Variants in SLC4A4 observed in about 807,000 individuals in gnomAD.
SLC4A4 encodes the protein electrogenic sodium bicarbonate cotransporter 1.
Under a neutral mutation model 111.5 loss-of-function variants are expected in SLC4A4, and 27 were observed. The observed-to-expected ratio is 0.24, with a 90% CI of 0.18 to 0.33. The LOEUF (loss-of-function observed/expected upper bound fraction) is 0.33, where lower values mean the gene tolerates loss of function less well. Among genes scored for constraint, SLC4A4 ranks in the 10% least tolerant of loss-of-function variants. The probability of loss-of-function intolerance (pLI) is 1.00; values close to 1 mark genes in which losing one functional copy is unlikely to be tolerated. For synonymous variants in SLC4A4, 443 were observed against 463.4 expected, an observed-to-expected ratio of 0.96 and a Z score of 0.57; for missense variants, 909 against 1,315.5, an observed-to-expected ratio of 0.69 and a Z score of 4.78.
At chr4:71,189,152 C>A (rs1406813296) in intron 1 of SLC4A4, among the ~76,000 whole-genome samples, 1 of 152,078 alleles carries the variant, frequency 6.6e-6, no homozygotes, top group East Asian at 1.9e-4. Flanking sequence ...GTTAAAAAAA[C>A]TGAAAACTAA....
chr4:71,361,909 A>G (rs1363511914), intron 6 of SLC4A4, among the ~76,000 whole-genome samples: 1 of 152,230 alleles, frequency 6.6e-6, no homozygotes, highest in Non-Finnish European at 1.5e-5. Context: ...TATGACAAGC[A>G]TAACAACTGC....
chr4:71,107,001 AT>A (rs1032248925), intron 2 of SLC4A4, among the ~76,000 whole-genome samples: 2 of 151,706 alleles, frequency 1.3e-5, no homozygotes, highest in African/African-American at 4.8e-5. Flanking sequence ...TAAAAAAAAA[AT>A]AAAGTCTATC....
At chr4:71,364,594 A>G (rs1462912342) in intron 6 of SLC4A4, among the ~76,000 whole-genome samples, 1 of 152,202 alleles carries the variant, frequency 6.6e-6, no homozygotes, top group Non-Finnish European at 1.5e-5. Flanking sequence ...AGGGGCAAAC[A>G]TTCCTTCAAG....
At chr4:71,554,201 G>C (rs1038224072) in intron 20 of SLC4A4, among the ~76,000 whole-genome samples, 15 of 151,802 alleles carry the variant, frequency 9.9e-5, no homozygotes, top group African/African-American at 3.6e-4. Context: ...ATGTTTTCTG[G>C]TTACAATAGC....
chr4:71,091,366 C>T (rs1742383547), intron 1 of SLC4A4, among the ~76,000 whole-genome samples: 1 of 151,834 alleles, frequency 6.6e-6, no homozygotes, highest in East Asian at 1.9e-4. Context: ...CATTCTCCTG[C>T]CTCAACCTCC....
rs376054963 is a variant in SLC4A4 at position 71,166,891 on chromosome 4, A to C, written c.-1-69685A>C. Among the ~76,000 whole-genome samples the C allele has an allele frequency of 4.0e-4, 61 of 152,314 alleles. 2 individuals carry two copies. In the East Asian group the frequency reaches 0.011, roughly 28 times the overall value. ...TCTAGAATGTAGGGTTGAACTGTAC[A>C]GGCAGATAGGATTATAGTTCAGATG... On this transcript the variant is annotated intron_variant, in intron 2 of 26. Coordinates refer to the SLC4A4 transcript ENST00000649996.
intron 4 of SLC4A4, among the ~76,000 whole-genome samples, chr4:71,343,722 A>G (rs1729075137): frequency 6.6e-6 from 1 of 152,260 alleles, no homozygotes. Flanking sequence ...AGATTGCTGC[A>G]GATGGCTCCT....
At chr4:71,112,431 T>C (rs1743113268) in intron 2 of SLC4A4, among the ~76,000 whole-genome samples, 1 of 152,358 alleles carries the variant, frequency 6.6e-6, no homozygotes, top group African/African-American at 2.4e-5. Context: ...AGAGTAATTT[T>C]ACACAATGCT....
chr4:71,147,780 G>T (rs1361729511), intron 2 of SLC4A4, among the ~76,000 whole-genome samples: 1 of 152,090 alleles, frequency 6.6e-6, no homozygotes, highest in African/African-American at 2.4e-5. Context: ...CATCTGCATT[G>T]TTGCCAGAAA....
intron 3 of SLC4A4, among the ~76,000 whole-genome samples, chr4:71,260,436 A>G (rs903806461): frequency 1.3e-5 from 2 of 152,174 alleles, no homozygotes; most frequent in African/African-American, 2.4e-5. Flanking sequence ...ATCGATCTAT[A>G]TATAGGAGAA....
intron 16 of SLC4A4, among the ~76,000 whole-genome samples, chr4:71,511,186 A>G (rs188660230): frequency 1.6e-4 from 25 of 152,242 alleles, no homozygotes; most frequent in South Asian, 4.1e-4. Flanking sequence ...GAACTTAACT[A>G]TACACTTACT....
chr4:71,547,555 T>A, intron 19 of SLC4A4, 93 bp from the exon 20 acceptor site: 2 of 1,000,312 alleles, frequency 2.0e-6, no homozygotes, highest in Non-Finnish European at 3.2e-6. Context: ...CAAACATTGA[T>A]TTTGTCAATG....
intron 14 of SLC4A4, among the ~76,000 whole-genome samples, chr4:71,478,066 A>G (rs1028641532): frequency 1.3e-5 from 2 of 152,006 alleles, no homozygotes; most frequent in Non-Finnish European, 2.9e-5. Context: ...ACAATGAGAT[A>G]CCATTTCAGG....
At chr4:71,268,079 T>TTTTG (rs2149076784) in intron 3 of SLC4A4, among the ~76,000 whole-genome samples, 1 of 145,952 alleles carries the variant, frequency 6.9e-6, no homozygotes, top group South Asian at 2.2e-4. Flanking sequence ...AGTAGTGTTT[T>TTTTG]TTTTTTTTTT....
chr4:71,263,534 T>A (rs1291843654), intron 3 of SLC4A4, among the ~76,000 whole-genome samples: 3 of 152,290 alleles, frequency 2.0e-5, no homozygotes, highest in Admixed American at 2.0e-4. Context: ...GTTAAAATAA[T>A]CTGGTCTATC....
intron 12 of SLC4A4, among the ~76,000 whole-genome samples, chr4:71,460,749 G>A (rs540462361): frequency 6.6e-6 from 1 of 152,264 alleles, no homozygotes; most frequent in Admixed American, 6.5e-5. Context: ...AGGAGAAGGG[G>A]AGGTACATCT....
intron 16 of SLC4A4, among the ~76,000 whole-genome samples, chr4:71,513,565 G>A (rs997065980): frequency 2.0e-5 from 3 of 152,010 alleles, no homozygotes; most frequent in African/African-American, 2.4e-5. Flanking sequence ...AGACTGTATC[G>A]TCAGCAAAGA....
intron 8 of SLC4A4, among the ~76,000 whole-genome samples, chr4:71,441,872 G>T (rs554001764): frequency 6.6e-6 from 1 of 152,308 alleles, no homozygotes; most frequent in South Asian, 2.1e-4. Flanking sequence ...GAAAAGAGAT[G>T]ATCATAGCTT....
At chr4:71,281,580 T>C (rs1723520171) in intron 3 of SLC4A4, among the ~76,000 whole-genome samples, 1 of 152,186 alleles carries the variant, frequency 6.6e-6, no homozygotes, top group African/African-American at 2.4e-5. Context: ...TAAAATGGAC[T>C]CTGGTTTGAT....
Sources: gnomAD v4.1 joint callset for allele counts (sites outside exome capture counted in the v4.1 genomes callset) on GRCh38, gnomAD v4.1.1 for gene constraint, MANE v1.5 for transcripts, NCBI Gene and HGNC (gene_info 2026-07-23, HGNC 2026-07-21) for gene names.